Variants in APBB2 observed in about 807,000 individuals in gnomAD.
APBB2 encodes the protein Fe65-like 1.
A neutral mutation model predicts 82.5 loss-of-function variants in APBB2; 38 were observed. The observed-to-expected ratio is 0.46, with a 90% CI of 0.36 to 0.60. The LOEUF is 0.60. Ranked by LOEUF, APBB2 falls within the 20% of genes least tolerant of loss-of-function variation. The pLI is 0.00. For synonymous variants in APBB2, 341 were observed against 368.2 expected, an observed-to-expected ratio of 0.93 and a Z score of 0.85; for missense variants, 772 against 972.3, an observed-to-expected ratio of 0.79 and a Z score of 2.74.
intron 6 of APBB2, among the ~76,000 whole-genome samples, chr4:41,000,069 A>ATGTGTGTGTGTGTGTGTGTGTG (rs779111046): frequency 1.5e-5 from 2 of 130,636 alleles, no homozygotes; most frequent in African/African-American, 6.2e-5. Flanking sequence ...ATATGTGTGT[A>ATGTGTGTGTGTGTGTGTGTGTG]TGTGTGTGTG....
chr4:40,942,308 G>A (rs1787209907), intron 7 of APBB2, among the ~76,000 whole-genome samples: 1 of 152,164 alleles, frequency 6.6e-6, no homozygotes, highest in African/African-American at 2.4e-5. Context: ...CCTTTAACCA[G>A]CTTCCACGGA....
intron 4 of APBB2, among the ~76,000 whole-genome samples, chr4:41,062,544 A>G (rs1003880867): frequency 7.2e-5 from 11 of 152,212 alleles, no homozygotes; most frequent in African/African-American, 2.7e-4. Context: ...ATCAAATAAA[A>G]TAAGTAACAG....
At chr4:41,201,871 G>A (rs926938902) in intron 1 of APBB2, among the ~76,000 whole-genome samples, 6 of 152,086 alleles carry the variant, frequency 3.9e-5, no homozygotes, top group African/African-American at 7.2e-5. Context: ...CCAAAAATAC[G>A]CCCCACATAG....
At chr4:40,874,283 T>A (rs1766284018) in intron 12 of APBB2, among the ~76,000 whole-genome samples, 1 of 152,196 alleles carries the variant, frequency 6.6e-6, no homozygotes, top group African/African-American at 2.4e-5. Context: ...TACATGCATA[T>A]CCTTTGAGAG....
At chr4:40,857,081 C>G in intron 12 of APBB2, 1 of 985,542 alleles carries the variant, frequency 1.0e-6, no homozygotes, top group Non-Finnish European at 1.2e-6. Flanking sequence ...GGTGCTACGA[C>G]AAGCCCCAGG....
chr4:40,854,662 G>A (rs185745974), intron 12 of APBB2, among the ~76,000 whole-genome samples: 765 of 152,102 alleles, frequency 5.0e-3, no homozygotes, highest in Middle Eastern at 0.014. Context: ...GGTGGCGGGC[G>A]CCTGTAATCC....
At chr4:41,104,991 A>G (rs966829706) in intron 2 of APBB2, among the ~76,000 whole-genome samples, 3 of 152,136 alleles carry the variant, frequency 2.0e-5, no homozygotes, top group Admixed American at 6.5e-5. Context: ...TTCACTTTCA[A>G]TTTAGCTTTC....
chr4:40,906,464 C>CAAAAAAAAAAAAA (rs5857755), intron 10 of APBB2, among the ~76,000 whole-genome samples: 8 of 67,986 alleles, frequency 1.2e-4, no homozygotes, highest in Middle Eastern at 9.6e-3. Context: ...AAACCTGTCT[C>CAAAAAAAAAAAAA]AAAAAAAAAA....
chr4:40,989,515 TAGA>T (rs1801417858), intron 6 of APBB2, among the ~76,000 whole-genome samples: 1 of 140,748 alleles, frequency 7.1e-6, no homozygotes, highest in South Asian at 2.3e-4. Context: ...TTCCCTTGAG[TAGA>T]AGGAGAAACT....
chr4:41,064,035 G>C (rs1730782676), intron 4 of APBB2, among the ~76,000 whole-genome samples: 1 of 141,476 alleles, frequency 7.1e-6, no homozygotes, highest in Non-Finnish European at 1.5e-5. Flanking sequence ...CTGGAGTGCA[G>C]TGGCGCGATC....
intron 3 of APBB2, among the ~76,000 whole-genome samples, chr4:41,073,072 T>A (rs557258503): frequency 3.5e-4 from 53 of 152,302 alleles, no homozygotes; most frequent in Admixed American, 2.8e-3. Context: ...AACACACAGA[T>A]CTTTATTTAG....
At position 40,890,227 on chromosome 4, in the gene APBB2, G is replaced by A. The variant is rs1046687967; in HGVS notation, c.1529+137C>T. 4 of 1,208,304 alleles carry A rather than the reference G, an allele frequency of 3.3e-6. No homozygotes were observed. The East Asian group carries it at 8.3e-5, about 25-fold the overall frequency. The allele number at this position is 1,208,304 out of a possible 1,614,324, so 74.8% of individuals were successfully genotyped here. A position where few individuals can be genotyped will look rare whatever the true frequency, so the allele number is the denominator to read the frequency against. ...TTAAGAGGCAGGGAACTAGAGACAA[G>A]CTTTCATTTTTCACATTTCTATATA... is the stretch of plus-strand genomic sequence containing the variant. On this transcript the variant is annotated intron_variant, in intron 12 of 17. Coordinates refer to ENST00000508593, the MANE Select transcript of APBB2 (RefSeq NM_004307.2).
chr4:40,967,984 T>C (rs1020926382), intron 6 of APBB2, among the ~76,000 whole-genome samples: 7 of 152,160 alleles, frequency 4.6e-5, no homozygotes, highest in Non-Finnish European at 1.0e-4. Flanking sequence ...ATTCTTGAGA[T>C]AGCTTTTAAA....
intron 5 of APBB2, among the ~76,000 whole-genome samples, chr4:41,023,073 C>A (rs1261727931): frequency 6.6e-6 from 1 of 152,180 alleles, no homozygotes; most frequent in African/African-American, 2.4e-5. Context: ...TTACTCAACT[C>A]TACCGTGGCT....
At position 40,814,461 on chromosome 4, in the gene APBB2, G is replaced by A. The variant is rs1435415414; in HGVS notation, c.*1631C>T. 6.6e-6 allele frequency: 1 copy of A among 152,172 alleles called. No homozygotes were observed. The highest frequency in any genetic ancestry group is 1.5e-5 in the Non-Finnish European group (1 of 68,034). 9.4% of individuals were successfully genotyped at this position (152,172 alleles called of 1,614,324 possible). On this transcript the variant is annotated 3_prime_UTR_variant, in exon 18 of 18. Coordinates refer to ENST00000508593, the MANE Select transcript of APBB2 (RefSeq NM_004307.2). Reference sequence around the variant, plus strand: ...CGTGGGTCCTAGTCCTGGTTTTCATGAACTTTGGTGAGATCTTAGGCCAGT... The same window carrying A: ...CGTGGGTCCTAGTCCTGGTTTTCATAAACTTTGGTGAGATCTTAGGCCAGT...
In APBB2 at chr4:41,201,581, C is replaced by A. The variant is rs115814176; in HGVS notation, c.-417+12824G>T. 9.8e-3 allele frequency among the ~76,000 whole-genome samples: 1,486 copies of A among 152,240 alleles called. 26 individuals carry two copies. The highest frequency in any genetic ancestry group is 0.035 in the African/African-American group (1,436 of 41,530). ...AGATATTTTACAGATGGGAAAAGCACACGTGGCTCAGGGAGAAAAAGCTGT... is the reference window on the plus strand; with the variant it reads ...AGATATTTTACAGATGGGAAAAGCAAACGTGGCTCAGGGAGAAAAAGCTGT... On this transcript the variant is annotated intron_variant, in intron 1 of 17. Transcript: ENST00000508593.
At chr4:40,983,142 G>A (rs1363643897) in intron 6 of APBB2, among the ~76,000 whole-genome samples, 1 of 152,062 alleles carries the variant, frequency 6.6e-6, no homozygotes. Context: ...CTCAAAATTC[G>A]CCATTTCACA....
intron 12 of APBB2, among the ~76,000 whole-genome samples, chr4:40,868,628 T>C (rs1764642977): frequency 6.6e-6 from 1 of 152,180 alleles, no homozygotes. Flanking sequence ...ATTAATTGAA[T>C]TGAAAATGTA....
At chr4:41,070,794 C>T (rs1733591661) in intron 3 of APBB2, among the ~76,000 whole-genome samples, 2 of 152,138 alleles carry the variant, frequency 1.3e-5, no homozygotes, top group South Asian at 4.2e-4. Context: ...AGCAATATCT[C>T]GGGAAGGAAA....
Sources: gnomAD v4.1 joint callset for allele counts (sites outside exome capture counted in the v4.1 genomes callset) on GRCh38, gnomAD v4.1.1 for gene constraint, MANE v1.5 for transcripts, NCBI Gene and HGNC (gene_info 2026-07-23, HGNC 2026-07-21) for gene names.